ADGB: variants seen among roughly 807,000 people sequenced by gnomAD.
ADGB encodes calpain-7-like protein.
A neutral mutation model predicts 210.5 loss-of-function variants in ADGB; 172 were observed. The ratio of observed to expected loss-of-function variants is 0.82; its 90% CI spans 0.72 to 0.93. The LOEUF (loss-of-function observed/expected upper bound fraction) is 0.93. Ranked by LOEUF, ADGB falls within the 40% of genes least tolerant of loss-of-function variation. The pLI, the probability that ADGB is intolerant of heterozygous loss-of-function variation, is 0.00. For synonymous variants in ADGB, 658 were observed against 662.7 expected (o/e 0.99, Z 0.11); for missense variants, 2,025 against 1,964.8 (o/e 1.03, Z -0.58).
At chr6:146,612,288 T>C (rs1351668844) in intron 1 of ADGB, among the ~76,000 whole-genome samples, 2 of 152,224 alleles carry the variant, frequency 1.3e-5, no homozygotes, top group African/African-American at 4.8e-5. Flanking sequence ...CTCTGAACCT[T>C]ATCATGTGAT....
intron 29 of ADGB, among the ~76,000 whole-genome samples, chr6:146,775,731 T>C (rs1342006902): frequency 6.6e-6 from 1 of 152,140 alleles, no homozygotes; most frequent in Non-Finnish European, 1.5e-5. Context: ...AATATTATAC[T>C]GTTGTTCTTT....
In ADGB at chr6:146,752,693, G is replaced by A. The variant is rs1439564315; in HGVS notation, c.3529G>A (p.Glu1177Lys). Residue 1177 changes from glutamate (E) to lysine (K), a missense_variant, in exon 27 of 36, where the codon GAG becomes AAG. By Grantham distance (56) the Glu-to-Lys change is moderately conservative. Coordinates refer to ENST00000397944, the MANE Select transcript of ADGB (RefSeq NM_024694.4). Reference protein sequence around the residue: ...IIPAFHFLKSEKGLSSQSSKH... With the variant: ...IIPAFHFLKSKKGLSSQSSKH... ...CCCAGCATTTCACTTCTTGAAGAGT[G>A]AGAAAGGTTTGAGCTCCCAGTGTAA... 1.9e-6 allele frequency: 3 copies of A among 1,550,058 alleles called. No homozygotes were observed. Among genetic ancestry groups the A allele is most frequent in the Non-Finnish European group, 2.6e-6 (3 of 1,146,138 alleles).
At chr6:146,659,097 A>G (rs943393528) in intron 5 of ADGB, among the ~76,000 whole-genome samples, 2 of 152,172 alleles carry the variant, frequency 1.3e-5, no homozygotes, top group Non-Finnish European at 2.9e-5. Flanking sequence ...AAGAAGTTAG[A>G]GTCAATTCTG....
At chr6:146,720,692 G>A (rs1776799291) in intron 16 of ADGB, among the ~76,000 whole-genome samples, 1 of 152,158 alleles carries the variant, frequency 6.6e-6, no homozygotes, top group Admixed American at 6.5e-5. Flanking sequence ...AGGCTATGGG[G>A]AAGCAAACAC....
At position 146,706,319 on chromosome 6, in the gene ADGB, G is replaced by A. The variant is rs527883069; in HGVS notation, c.1707+5249G>A. Among the ~76,000 whole-genome samples the A allele has an allele frequency of 2.0e-5, 3 of 151,502 alleles. No individual in the cohort carries two copies. The South Asian group carries it at 6.3e-4, about 32-fold the overall frequency. On this transcript the variant is annotated intron_variant, in intron 13 of 35. Coordinates refer to ENST00000397944, the MANE Select transcript of ADGB (RefSeq NM_024694.4). The stretch of plus-strand genomic sequence containing the variant: ...TCTGTGGCCAGGCTGGAGTGCAGTG[G>A]CACAATCTCGGGTCACTGCAACCTC...
chr6:146,606,962 G>C lies in ADGB; in HGVS notation c.74+7848G>C, dbSNP rs114540447. ...AACGACATTGGTATTGATAGGAATA[G>C]CATTACATCTCTAAATTGCTTTGGG... On this transcript the variant is annotated intron_variant, in intron 1 of 35. Coordinates refer to ENST00000397944, the MANE Select transcript of ADGB (RefSeq NM_024694.4). Among the ~76,000 whole-genome samples, 1,265 of 152,184 alleles carry C rather than the reference G, an allele frequency of 8.3e-3. 16 individuals are homozygous for C. The highest frequency in any genetic ancestry group is 0.028 in the African/African-American group (1,182 of 41,522).
chr6:146,748,569 CCT>C (rs1159694759), intron 26 of ADGB, among the ~76,000 whole-genome samples: 2 of 152,090 alleles, frequency 1.3e-5, no homozygotes, highest in African/African-American at 4.8e-5. Context: ...GGTATCTTCC[CCT>C]GTGTGCCTCT....
chr6:146,605,719 T>C (rs1392604997), intron 1 of ADGB, among the ~76,000 whole-genome samples: 4 of 152,152 alleles, frequency 2.6e-5, no homozygotes, highest in African/African-American at 9.7e-5. Context: ...TTTATGAATG[T>C]CAGTTGTATG....
chr6:146,681,375 A>G (rs553864749), intron 9 of ADGB, among the ~76,000 whole-genome samples: 2 of 152,110 alleles, frequency 1.3e-5, no homozygotes, highest in Non-Finnish European at 2.9e-5. Context: ...CCAGAAACAG[A>G]TACCAGATCT....
At chr6:146,780,155 T>G (rs1777778729) in intron 29 of ADGB, among the ~76,000 whole-genome samples, 10 of 152,058 alleles carry the variant, frequency 6.6e-5, no homozygotes. Context: ...AAACTGGTAT[T>G]AATTCAAACT....
At chr6:146,771,230 C>A (rs546474597) in intron 29 of ADGB, among the ~76,000 whole-genome samples, 22 of 152,204 alleles carry the variant, frequency 1.4e-4, no homozygotes, top group Non-Finnish European at 2.4e-4. Flanking sequence ...GCCCAGTTCC[C>A]TTCTCTGGGT....
chr6:146,693,333 C>G (rs1776357960), intron 12 of ADGB, among the ~76,000 whole-genome samples: 1 of 152,096 alleles, frequency 6.6e-6, no homozygotes, highest in Admixed American at 6.5e-5. Flanking sequence ...CTCTCTGTCT[C>G]TTTCTGTCTG....
intron 27 of ADGB, among the ~76,000 whole-genome samples, chr6:146,762,156 T>TG (rs1554252142): frequency 7.1e-4 from 107 of 151,676 alleles, no homozygotes; most frequent in African/African-American, 9.9e-4. Context: ...CATATTTTTT[T>TG]GGGGGGGTCA....
chr6:146,797,722 A>T (rs542188586), intron 33 of ADGB, among the ~76,000 whole-genome samples: 1 of 152,270 alleles, frequency 6.6e-6, no homozygotes, highest in Admixed American at 6.5e-5. Context: ...CTATGAGAAC[A>T]CAAAGGCATA....
At chr6:146,800,043 C>T (rs1778103380) in intron 33 of ADGB, among the ~76,000 whole-genome samples, 1 of 152,084 alleles carries the variant, frequency 6.6e-6, no homozygotes, top group Admixed American at 6.6e-5. Flanking sequence ...CTCCTGACCT[C>T]GTGATCCACC....
intron 6 of ADGB, among the ~76,000 whole-genome samples, chr6:146,665,691 A>C (rs922844540): frequency 2.0e-5 from 3 of 152,108 alleles, no homozygotes; most frequent in African/African-American, 7.2e-5. Flanking sequence ...AAATCCAATT[A>C]GTAAATAAAG....
intron 35 of ADGB, among the ~76,000 whole-genome samples, chr6:146,808,806 A>T (rs1225471077): frequency 1.3e-5 from 2 of 150,058 alleles, no homozygotes; most frequent in Non-Finnish European, 3.0e-5. Context: ...CATCCTCCTA[A>T]TTTTTTTTTT....
rs1299654127 is a variant in ADGB, at chr6:146,773,189, A to C, written c.3862+4058A>C. ...ACAGAAATTCATAATTATTAATATT[A>C]AGACTTCATAACGTTAGACATTAGT... On this transcript the variant is annotated intron_variant, in intron 29 of 35. Transcript: ENST00000397944. Among the ~76,000 whole-genome samples, 6 of 152,142 alleles carry C rather than the reference A, an allele frequency of 3.9e-5. No homozygotes were observed. In the East Asian group the frequency reaches 1.2e-3, roughly 29 times the overall value.
intron 29 of ADGB, among the ~76,000 whole-genome samples, chr6:146,775,215 T>G (rs1777705275): frequency 6.6e-6 from 1 of 152,182 alleles, no homozygotes; most frequent in African/African-American, 2.4e-5. Flanking sequence ...TTATTTATAC[T>G]CAACATTTAA....
Sources: gnomAD v4.1 joint callset for allele counts (sites outside exome capture counted in the v4.1 genomes callset) on GRCh38, gnomAD v4.1.1 for gene constraint, MANE v1.5 for transcripts, NCBI Gene and HGNC (gene_info 2026-07-23, HGNC 2026-07-21) for gene names.